The following ADAM9 variants were observed in gnomAD, a reference collection of about 807,000 sequenced individuals.
ADAM9 encodes the protein ADAM metallopeptidase domain 9.
In ADAM9, 54 loss-of-function variants were observed where a neutral mutation model predicts 108.1. The ratio of observed to expected loss-of-function variants is 0.50; its 90% confidence interval spans 0.40 to 0.63. ADAM9 has a LOEUF of 0.63. Ranked by LOEUF, ADAM9 falls within the 20% of genes least tolerant of loss-of-function variation. The probability of loss-of-function intolerance (pLI) is 0.00; values close to 1 mark genes in which losing one functional copy is unlikely to be tolerated. For synonymous variants in ADAM9, 316 were observed against 336.0 expected, an observed-to-expected ratio of 0.94 and a Z score of 0.65; for missense variants, 830 against 997.7, an observed-to-expected ratio of 0.83 and a Z score of 2.26.
intron 2 of ADAM9, among the ~76,000 whole-genome samples, chr8:39,009,964 A>AACC (rs1554572507): frequency 1.9e-5 from 2 of 106,580 alleles, no homozygotes. Flanking sequence ...ACAAAAACAA[A>AACC]CCCCCCCCCC....
chr8:39,088,562 T>C (rs1015103751), intron 18 of ADAM9, among the ~76,000 whole-genome samples: 4 of 152,152 alleles, frequency 2.6e-5, no homozygotes, highest in Non-Finnish European at 5.9e-5. Flanking sequence ...CGGCCAGTTT[T>C]ATACAACTTT....
chr8:39,085,049 CCTTTTA>C (rs1156232638), intron 18 of ADAM9, among the ~76,000 whole-genome samples: 1 of 152,154 alleles, frequency 6.6e-6, no homozygotes, highest in South Asian at 2.1e-4. Flanking sequence ...CTTTTCCCAT[CCTTTTA>C]CTTTTAATTT....
In ADAM9 at chr8:39,105,052, TA is replaced by T. The variant is rs1265131386; in HGVS notation, c.*1357del. On this transcript the variant is annotated 3_prime_UTR_variant, in exon 22 of 22. Coordinates refer to ENST00000487273, the MANE Select transcript of ADAM9 (RefSeq NM_003816.3). ...CTCAACTATTTATAATCTCATTAAT[TA>T]AAAAGTTATAATTTTAGATAAAAAT... 2.5e-6 allele frequency: 1 copy of T among 406,236 alleles called. No homozygotes were observed. The highest frequency in any genetic ancestry group is 4.7e-6 in the Non-Finnish European group (1 of 212,886). 25.2% of individuals were successfully genotyped at this position (406,236 alleles called of 1,614,324 possible).
rs930386958 is a variant in ADAM9, at chr8:39,104,926, TAA to T, written c.*1229_*1230del. 1.6e-5 allele frequency: 7 copies of T among 428,144 alleles called. No homozygotes were observed. The highest frequency in any genetic ancestry group is 3.2e-5 in the Non-Finnish European group (7 of 220,040). 26.5% of individuals were successfully genotyped at this position (428,144 alleles called of 1,614,324 possible). On this transcript the variant is annotated 3_prime_UTR_variant, in exon 22 of 22. Transcript: ENST00000487273. ...TATTAACTGAATTTCATTAGTTTTT[TAA>T]AAGTGTTTTTGGTTTGTGTATATAT...
intron 16 of ADAM9, among the ~76,000 whole-genome samples, chr8:39,077,663 C>G (rs1286065327): frequency 6.6e-6 from 1 of 152,098 alleles, no homozygotes; most frequent in Admixed American, 6.5e-5. Context: ...TACTGATATG[C>G]TACAATTTAT....
intron 3 of ADAM9, among the ~76,000 whole-genome samples, chr8:39,013,505 CTT>C (rs370238974): frequency 8.1e-5 from 11 of 135,856 alleles, no homozygotes; most frequent in Non-Finnish European, 7.9e-5. Context: ...TTTTTTTCTC[CTT>C]TTTTTTTTTT....
intron 11 of ADAM9, among the ~76,000 whole-genome samples, chr8:39,037,289 T>C (rs1837312754): frequency 6.7e-6 from 1 of 149,634 alleles, no homozygotes; most frequent in Admixed American, 6.7e-5. Context: ...GACCTCGTGA[T>C]CCACCCGCCT....
rs1025113566 is a variant in ADAM9, at chr8:39,017,243, G to A, written c.435G>A (p.Ala145=). 5 of 1,614,006 alleles carry A rather than the reference G, an allele frequency of 3.1e-6. No homozygotes were observed. Among genetic ancestry groups the A allele is most frequent in the East Asian group, 2.2e-5 (1 of 44,884 alleles). Residue 145 remains alanine, a synonymous_variant, in exon 6 of 22, where the codon GCG becomes GCA. Transcript: ENST00000487273. Reference sequence around the variant, plus strand: ...GAGGATTGCTGCATTTAGAGAATGCGAGTTATGGGATTGAACCCCTGCAGA... The same window carrying A: ...GAGGATTGCTGCATTTAGAGAATGCAAGTTATGGGATTGAACCCCTGCAGA... ...GLRGLLHLEN[A]SYGIEPLQNS...
chr8:39,095,169 C>T (rs879769580), intron 20 of ADAM9, among the ~76,000 whole-genome samples: 6 of 152,098 alleles, frequency 3.9e-5, no homozygotes, highest in Non-Finnish European at 8.8e-5. Flanking sequence ...GGTTCCAGGA[C>T]CCCTACATAT....
intron 12 of ADAM9, among the ~76,000 whole-genome samples, chr8:39,049,002 T>G (rs1457754448): frequency 4.0e-5 from 6 of 150,478 alleles, no homozygotes; most frequent in South Asian, 2.1e-4. Flanking sequence ...CATATAGTTT[T>G]TTTTTTTTTT....
At chr8:39,084,695 T>C (rs894683560) in intron 18 of ADAM9, among the ~76,000 whole-genome samples, 2 of 152,068 alleles carry the variant, frequency 1.3e-5, no homozygotes, top group African/African-American at 2.4e-5. Flanking sequence ...GAATATTCTG[T>C]AAGTTATTAG....
chr8:38,997,201 C>T (rs764617194), intron 1 of ADAM9, 41 bp downstream of exon 1: 3 of 1,572,242 alleles, frequency 1.9e-6, no homozygotes, highest in African/African-American at 1.3e-5. Context: ...CGGCTGCTTC[C>T]TAGGGACGGG....
intron 11 of ADAM9, among the ~76,000 whole-genome samples, chr8:39,040,008 CT>C (rs1427144119): frequency 6.6e-6 from 1 of 152,076 alleles, no homozygotes; most frequent in Non-Finnish European, 1.5e-5. Context: ...CTCAAGATTC[CT>C]TTTTTTCTAT....
At chr8:39,008,665 ATAGC>A (rs1836245869) in intron 2 of ADAM9, among the ~76,000 whole-genome samples, 1 of 152,174 alleles carries the variant, frequency 6.6e-6, no homozygotes, top group Admixed American at 6.5e-5. Flanking sequence ...TCAGTTTGTG[ATAGC>A]TAGAACACTT....
chr8:39,014,976 A>C (rs984616755), intron 4 of ADAM9: 1 of 160,028 alleles, frequency 6.2e-6, no homozygotes, highest in Non-Finnish European at 1.4e-5. Flanking sequence ...CTTACAGCAT[A>C]AACCAGATAG....
intron 20 of ADAM9, among the ~76,000 whole-genome samples, chr8:39,099,875 G>GTTTTTT (rs111740274): frequency 1.5e-4 from 13 of 89,518 alleles, no homozygotes; most frequent in African/African-American, 5.4e-4. Context: ...TATCGTGTTT[G>GTTTTTT]TTTTTTTTTT....
intron 12 of ADAM9, among the ~76,000 whole-genome samples, chr8:39,045,289 T>C (rs1837667811): frequency 9.4e-6 from 1 of 106,338 alleles, no homozygotes; most frequent in Non-Finnish European, 2.0e-5. Context: ...TGTATATGTG[T>C]GTGTACACCT....
chr8:39,019,025 A>G (rs1416893280), intron 7 of ADAM9, 107 bp downstream of exon 7: 35 of 1,127,438 alleles, frequency 3.1e-5, no homozygotes, highest in Non-Finnish European at 4.6e-5. Flanking sequence ...TTTTACTTAA[A>G]TAATGATTTT....
rs976111413 is a variant in ADAM9, at chr8:39,103,759, T to C, written c.*59T>C. 6 of 1,519,802 alleles carry C rather than the reference T, an allele frequency of 3.9e-6. No homozygotes were observed. In the African/African-American group the frequency reaches 5.5e-5, roughly 14 times the overall value. The allele number at this position is 1,519,802 out of a possible 1,614,324, so 94.1% of individuals were successfully genotyped here. On this transcript the variant is annotated 3_prime_UTR_variant, in exon 22 of 22. Coordinates refer to ENST00000487273, the MANE Select transcript of ADAM9 (RefSeq NM_003816.3). ...GGAACTGAGCTAATACTTTTTTTTT[T>C]TCTTGATGTTTTCTTGAAAAGCCTT...
Sources: allele counts gnomAD v4.1 joint callset (sites outside exome capture counted in the v4.1 genomes callset), GRCh38; gene constraint gnomAD v4.1.1; transcripts MANE v1.5; gene names NCBI Gene and HGNC (gene_info 2026-07-23, HGNC 2026-07-21).